Variants in SLC9A9 observed in about 807,000 individuals in gnomAD.
The protein encoded by SLC9A9 is sodium/hydrogen exchanger 9.
A neutral mutation model predicts 77.8 loss-of-function variants in SLC9A9; 62 were observed. That is an observed-to-expected ratio of 0.80 (90% CI 0.65 to 0.98). The LOEUF is 0.98. Ranked by LOEUF, SLC9A9 falls within the 50% of genes least tolerant of loss-of-function variation. The pLI is 0.00. For synonymous variants in SLC9A9, 320 were observed against 283.5 expected, an observed-to-expected ratio of 1.13 and a Z score of -1.29; for missense variants, 775 against 774.9, an observed-to-expected ratio of 1.00 and a Z score of 0.00.
chr3:143,684,561 A>G (rs1255101646), intron 5 of SLC9A9, among the ~76,000 whole-genome samples: 2 of 152,082 alleles, frequency 1.3e-5, no homozygotes, highest in Admixed American at 6.6e-5. Context: ...TGAACCTGTG[A>G]CATGTTACAT....
chr3:143,721,523 C>T (rs1360020664), intron 4 of SLC9A9, among the ~76,000 whole-genome samples: 2 of 151,888 alleles, frequency 1.3e-5, no homozygotes, highest in South Asian at 2.1e-4. Context: ...TCTCTGGAGA[C>T]GTGGTCATCA....
intron 5 of SLC9A9, among the ~76,000 whole-genome samples, chr3:143,689,156 G>A (rs1933373109): frequency 6.6e-6 from 1 of 152,008 alleles, no homozygotes; most frequent in South Asian, 2.1e-4. Flanking sequence ...TACATTGCTG[G>A]TATGAATGCA....
At chr3:143,767,256 A>G (rs750913632) in intron 4 of SLC9A9, among the ~76,000 whole-genome samples, 5 of 152,102 alleles carry the variant, frequency 3.3e-5, no homozygotes, top group Non-Finnish European at 7.3e-5. Context: ...GGGTAACAAG[A>G]GCTTAGAAGA....
At chr3:143,800,794 C>A (rs556449932) in intron 2 of SLC9A9, among the ~76,000 whole-genome samples, 1 of 152,308 alleles carries the variant, frequency 6.6e-6, no homozygotes, top group East Asian at 1.9e-4. Context: ...TAACAAGACA[C>A]CCTCCTGCTC....
At chr3:143,480,295 T>C (rs1311608947) in intron 11 of SLC9A9, among the ~76,000 whole-genome samples, 2 of 152,228 alleles carry the variant, frequency 1.3e-5, no homozygotes, top group African/African-American at 4.8e-5. Flanking sequence ...GACTTAATAA[T>C]GGGAGAAAAC....
At chr3:143,777,863 T>C (rs111862640) in intron 4 of SLC9A9, among the ~76,000 whole-genome samples, 90 of 151,600 alleles carry the variant, frequency 5.9e-4, no homozygotes, top group African/African-American at 1.9e-3. Flanking sequence ...TACAGGCACA[T>C]GCCACCACAC....
At chr3:143,397,496 T>C (rs2033755947) in intron 12 of SLC9A9, among the ~76,000 whole-genome samples, 1 of 152,192 alleles carries the variant, frequency 6.6e-6, no homozygotes, top group South Asian at 2.1e-4. Context: ...TCCCAGACTC[T>C]CAGGGGTCTG....
At chr3:143,715,094 G>A (rs934661109) in intron 4 of SLC9A9, among the ~76,000 whole-genome samples, 1 of 152,196 alleles carries the variant, frequency 6.6e-6, no homozygotes, top group Non-Finnish European at 1.5e-5. Flanking sequence ...CTCCAGCCAA[G>A]TGGAACTGCA....
At chr3:143,777,398 A>T (rs1302799254) in intron 4 of SLC9A9, among the ~76,000 whole-genome samples, 1 of 152,182 alleles carries the variant, frequency 6.6e-6, no homozygotes, top group Admixed American at 6.5e-5. Flanking sequence ...ACTCCCTTCT[A>T]GAGAAAAAAA....
chr3:143,343,274 T>C (rs1487576330), intron 14 of SLC9A9: 1 of 152,176 alleles, frequency 6.6e-6, no homozygotes, highest in Non-Finnish European at 1.5e-5. Context: ...TGTGAGTGTA[T>C]GACAGGAAAT....
chr3:143,574,767 A>C (rs2037327735), intron 7 of SLC9A9, among the ~76,000 whole-genome samples: 1 of 152,202 alleles, frequency 6.6e-6, no homozygotes, highest in African/African-American at 2.4e-5. Flanking sequence ...TTAATGAACC[A>C]TTATTATTGG....
At chr3:143,324,634 C>T (rs1200952951) in intron 14 of SLC9A9, among the ~76,000 whole-genome samples, 1 of 152,074 alleles carries the variant, frequency 6.6e-6, no homozygotes, top group Non-Finnish European at 1.5e-5. Context: ...TCAGCCTGGG[C>T]AACATGGCAA....
intron 14 of SLC9A9, among the ~76,000 whole-genome samples, chr3:143,358,019 TCTTTC>T (rs2032641965): frequency 8.5e-6 from 1 of 117,202 alleles, no homozygotes; most frequent in African/African-American, 4.0e-5. Flanking sequence ...GGAAGGTTTT[TCTTTC>T]CTTTTTTTTT....
At chr3:143,304,876 C>A (rs567793859) in intron 14 of SLC9A9, among the ~76,000 whole-genome samples, 30 of 152,288 alleles carry the variant, frequency 2.0e-4, no homozygotes, top group African/African-American at 6.7e-4. Flanking sequence ...GCACCACCAC[C>A]CTTAGGGCTC....
chr3:143,807,755 A>G (rs2008761451), intron 2 of SLC9A9, among the ~76,000 whole-genome samples: 1 of 151,892 alleles, frequency 6.6e-6, no homozygotes, highest in Non-Finnish European at 1.5e-5. Flanking sequence ...TAAAAAAGAA[A>G]AAAGAAAAGA....
intron 14 of SLC9A9, among the ~76,000 whole-genome samples, chr3:143,296,653 T>G (rs2030282312): frequency 6.6e-6 from 1 of 152,254 alleles, no homozygotes; most frequent in African/African-American, 2.4e-5. Context: ...TCACCAACAC[T>G]GTACAAGGGT....
intron 14 of SLC9A9, among the ~76,000 whole-genome samples, chr3:143,362,847 G>A (rs936827739): frequency 7.9e-5 from 12 of 152,148 alleles, no homozygotes; most frequent in African/African-American, 2.7e-4. Context: ...CGAATCACAT[G>A]GCAAGGTATA....
At chr3:143,716,653 C>T (rs1934360773) in intron 4 of SLC9A9, among the ~76,000 whole-genome samples, 1 of 152,034 alleles carries the variant, frequency 6.6e-6, no homozygotes, top group Non-Finnish European at 1.5e-5. Context: ...GAAATCAGTC[C>T]AGAATAGGGT....
At chr3:143,625,282 G>C (rs1191470652) in intron 6 of SLC9A9, among the ~76,000 whole-genome samples, 1 of 151,986 alleles carries the variant, frequency 6.6e-6, no homozygotes, top group Non-Finnish European at 1.5e-5. Flanking sequence ...TTCATATGGA[G>C]CCAAAAAAGA....
Sources: allele counts gnomAD v4.1 joint callset (sites outside exome capture counted in the v4.1 genomes callset), GRCh38; gene constraint gnomAD v4.1.1; transcripts MANE v1.5; gene names NCBI Gene and HGNC (gene_info 2026-07-23, HGNC 2026-07-21).